The following FARS2 variants were observed in gnomAD, a reference collection of about 807,000 sequenced individuals.
FARS2 encodes phenylalanyl-tRNA synthetase 2, mitochondrial.
FARS2 carries 40 observed loss-of-function variants against 46.4 expected under a neutral mutation model. The ratio of observed to expected loss-of-function variants is 0.86; its 90% CI spans 0.67 to 1.12. The LOEUF (loss-of-function observed/expected upper bound fraction) is 1.12. Among genes scored for constraint, FARS2 ranks in the 50% most tolerant of loss-of-function variants. The probability of loss-of-function intolerance (pLI) is 0.00; values close to 1 mark genes in which losing one functional copy is unlikely to be tolerated. For synonymous variants in FARS2, 234 were observed against 214.9 expected (o/e 1.09, Z -0.78); for missense variants, 513 against 567.9 (o/e 0.90, Z 0.98).
chr6:5,506,438 A>G (rs972870370), intron 4 of FARS2, among the ~76,000 whole-genome samples: 12 of 152,214 alleles, frequency 7.9e-5, no homozygotes, highest in African/African-American at 2.9e-4. Flanking sequence ...TGTTGGTCCA[A>G]CATTCAAATG....
intron 3 of FARS2, among the ~76,000 whole-genome samples, chr6:5,420,555 G>A (rs1762486119): frequency 6.6e-6 from 1 of 152,210 alleles, no homozygotes; most frequent in Admixed American, 6.5e-5. Flanking sequence ...CAGGCCCCAT[G>A]CAAGTGTGAA....
At chr6:5,738,649 A>G (rs897644663) in intron 6 of FARS2, among the ~76,000 whole-genome samples, 30 of 152,340 alleles carry the variant, frequency 2.0e-4, no homozygotes, top group African/African-American at 6.7e-4. Flanking sequence ...TTATTTCTGT[A>G]AAATGTTTTT....
chr6:5,709,799 A>T (rs1338244490), intron 6 of FARS2, among the ~76,000 whole-genome samples: 1 of 151,944 alleles, frequency 6.6e-6, no homozygotes. Context: ...TGAAGGAAAG[A>T]TACTGAGCAG....
intron 6 of FARS2, among the ~76,000 whole-genome samples, chr6:5,646,519 G>C (rs1016479819): frequency 1.3e-5 from 2 of 152,094 alleles, no homozygotes; most frequent in African/African-American, 4.8e-5. Flanking sequence ...AAAGAGGAGG[G>C]GTTTTTAAAA....
chr6:5,624,059 T>C (rs746403355), intron 6 of FARS2, among the ~76,000 whole-genome samples: 1 of 152,234 alleles, frequency 6.6e-6, no homozygotes, highest in African/African-American at 2.4e-5. Flanking sequence ...CAGGCCTCTT[T>C]AAAACTCTCC....
chr6:5,380,083 T>G (rs1239476577), intron 2 of FARS2, among the ~76,000 whole-genome samples: 4 of 152,328 alleles, frequency 2.6e-5, no homozygotes, highest in African/African-American at 9.6e-5. Flanking sequence ...TATTTGTTCT[T>G]AATTCAAATT....
At chr6:5,372,582 A>C (rs77954393) in intron 2 of FARS2, among the ~76,000 whole-genome samples, 3,724 of 152,296 alleles carry the variant, frequency 0.024, 91 homozygotes, top group African/African-American at 0.07. Context: ...TATAATAAAA[A>C]TGTTCCATAT....
chr6:5,313,952 G>A (rs560186006), intron 1 of FARS2, among the ~76,000 whole-genome samples: 21 of 152,280 alleles, frequency 1.4e-4, no homozygotes, highest in African/African-American at 3.9e-4. Context: ...GTAGTGTGCT[G>A]GGGCATTGGG....
intron 4 of FARS2, among the ~76,000 whole-genome samples, chr6:5,535,083 A>T (rs1296209708): frequency 6.6e-6 from 1 of 151,968 alleles, no homozygotes; most frequent in Non-Finnish European, 1.5e-5. Context: ...GTGGTATCTC[A>T]TTGTGGTTTG....
chr6:5,293,387 A>C (rs1423871531), intron 1 of FARS2, among the ~76,000 whole-genome samples: 2 of 152,186 alleles, frequency 1.3e-5, no homozygotes, highest in Non-Finnish European at 2.9e-5. Context: ...TGAGCAGGAA[A>C]GATGGATGCT....
intron 4 of FARS2, among the ~76,000 whole-genome samples, chr6:5,539,619 T>C (rs1561696966): frequency 6.6e-6 from 1 of 151,906 alleles, no homozygotes; most frequent in African/African-American, 2.4e-5. Context: ...AGAAAAGCAA[T>C]TGGAAGTTGT....
At chr6:5,483,262 C>A (rs753619745) in intron 4 of FARS2, among the ~76,000 whole-genome samples, 67 of 152,040 alleles carry the variant, frequency 4.4e-4, no homozygotes, top group Non-Finnish European at 6.5e-4. Flanking sequence ...CCTGCTCCTG[C>A]ACTCTATCTT....
intron 6 of FARS2, among the ~76,000 whole-genome samples, chr6:5,740,855 C>A (rs1476067557): frequency 1.3e-5 from 2 of 152,202 alleles, no homozygotes; most frequent in Non-Finnish European, 2.9e-5. Flanking sequence ...CTTTTGTAGA[C>A]CAGTGCCTTT....
chr6:5,486,844 T>G (rs1766804228), intron 4 of FARS2, among the ~76,000 whole-genome samples: 1 of 152,200 alleles, frequency 6.6e-6, no homozygotes, highest in Non-Finnish European at 1.5e-5. Flanking sequence ...CTCTGTCTTC[T>G]GTGAAGAGAG....
At chr6:5,459,309 C>T (rs999976381) in intron 4 of FARS2, among the ~76,000 whole-genome samples, 6 of 152,130 alleles carry the variant, frequency 3.9e-5, no homozygotes, top group African/African-American at 1.2e-4. Flanking sequence ...CTCTTTTGGA[C>T]AGAGTTCGTT....
At chr6:5,628,352 T>C (rs1407386230) in intron 6 of FARS2, among the ~76,000 whole-genome samples, 4 of 152,306 alleles carry the variant, frequency 2.6e-5, no homozygotes, top group African/African-American at 9.6e-5. Flanking sequence ...GAAGGTGTAA[T>C]TTCCAAACCA....
chr6:5,382,664 T>C (rs1428397803), intron 2 of FARS2, among the ~76,000 whole-genome samples: 1 of 152,208 alleles, frequency 6.6e-6, no homozygotes, highest in Admixed American at 6.5e-5. Context: ...CTTGGAATCG[T>C]GGAGATTCCA....
chr6:5,698,543 CAT>C (rs1422972135), intron 6 of FARS2, among the ~76,000 whole-genome samples: 10 of 152,168 alleles, frequency 6.6e-5, no homozygotes, highest in Non-Finnish European at 1.3e-4. Flanking sequence ...ACCCTTCTAA[CAT>C]GTGAGGTCTT....
chr6:5,420,639 C>T (rs1348708571), intron 3 of FARS2, among the ~76,000 whole-genome samples: 1 of 152,190 alleles, frequency 6.6e-6, no homozygotes, highest in African/African-American at 2.4e-5. Context: ...ACAGGTCCTG[C>T]TGATGCAAGA....
Sources: allele counts gnomAD v4.1 joint callset (sites outside exome capture counted in the v4.1 genomes callset), GRCh38; gene constraint gnomAD v4.1.1; transcripts MANE v1.5; gene names NCBI Gene and HGNC (gene_info 2026-07-23, HGNC 2026-07-21).